Variants in PEBP4 observed in about 807,000 individuals in gnomAD.
The protein encoded by PEBP4 is phosphatidylethanolamine binding protein 4, also known as phosphatidylethanolamine-binding protein 4.
PEBP4 carries 22 observed loss-of-function variants against 23.9 expected under a neutral mutation model. That is an observed-to-expected ratio of 0.92 (90% CI 0.66 to 1.31). The LOEUF (loss-of-function observed/expected upper bound fraction) is 1.31, where lower values mean the gene tolerates loss of function less well. Ranked by LOEUF, PEBP4 falls within the 40% of genes most tolerant of loss-of-function variation. The pLI, the probability that PEBP4 is intolerant of heterozygous loss-of-function variation, is 0.00. For missense variants in PEBP4, 324 were observed against 281.7 expected (o/e 1.15, Z -1.07); for synonymous variants, 112 against 99.3 (o/e 1.13, Z -0.76).
chr8:22,888,195 C>T (rs563489713), intron 3 of PEBP4, among the ~76,000 whole-genome samples: 2 of 148,728 alleles, frequency 1.3e-5, no homozygotes. Flanking sequence ...GCTCTGTTGC[C>T]CAGGCTGGAG....
intron 1 of PEBP4, among the ~76,000 whole-genome samples, chr8:22,934,563 G>A (rs1482833070): frequency 6.6e-6 from 1 of 152,200 alleles, no homozygotes; most frequent in South Asian, 2.1e-4. Context: ...GCAGCCAGAT[G>A]CAGTGGCACA....
Position 22,728,622 on chromosome 8 carries a change from G to A in PEBP4, c.358-1402C>T, listed in dbSNP as rs867371466. Among the ~76,000 whole-genome samples, 23 of 106,758 alleles carry A rather than the reference G, an allele frequency of 2.2e-4. 1 individual carries two copies. Among genetic ancestry groups the A allele is most frequent in the Non-Finnish European group, 6.7e-5 (4 of 59,584 alleles). The allele number at this position is 106,758 out of a possible 152,430, so 70.0% of individuals were successfully genotyped here. On this transcript the variant is annotated intron_variant, in intron 4 of 6. Coordinates refer to ENST00000256404, the MANE Select transcript of PEBP4 (RefSeq NM_144962.3). ...TTCCTTCCTTCCTTCCCTTTTTTTG[G>A]AGTCTCGCTCTGTCATCCAGGCTGG...
intron 6 of PEBP4, among the ~76,000 whole-genome samples, chr8:22,723,466 C>T (rs903565192): frequency 2.6e-5 from 4 of 152,128 alleles, no homozygotes; most frequent in Non-Finnish European, 5.9e-5. Flanking sequence ...GAGACTCCCG[C>T]CCTGGGCATA....
intron 4 of PEBP4, among the ~76,000 whole-genome samples, chr8:22,746,312 T>G (rs1406314718): frequency 6.6e-6 from 1 of 152,152 alleles, no homozygotes; most frequent in African/African-American, 2.4e-5. Flanking sequence ...GGCTGATCAA[T>G]TTGGAAGCAG....
chr8:22,733,341 T>C (rs1804779224), intron 4 of PEBP4, among the ~76,000 whole-genome samples: 1 of 152,218 alleles, frequency 6.6e-6, no homozygotes, highest in South Asian at 2.1e-4. Flanking sequence ...CTCTATCCTT[T>C]GGGTGTCCCC....
At chr8:22,869,513 C>G (rs1457277325) in intron 3 of PEBP4, among the ~76,000 whole-genome samples, 2 of 152,032 alleles carry the variant, frequency 1.3e-5, no homozygotes, top group Non-Finnish European at 2.9e-5. Flanking sequence ...ATGGACTTTC[C>G]CCAGGAAGCC....
intron 4 of PEBP4, among the ~76,000 whole-genome samples, chr8:22,811,944 G>T (rs951815573): frequency 2.0e-5 from 3 of 152,228 alleles, no homozygotes; most frequent in Non-Finnish European, 4.4e-5. Context: ...GTTGGGGGCT[G>T]TAGGGGAGAT....
chr8:22,852,250 C>T (rs554809879), intron 3 of PEBP4, among the ~76,000 whole-genome samples: 24 of 152,280 alleles, frequency 1.6e-4, no homozygotes, highest in Admixed American at 1.3e-3. Flanking sequence ...CTCCTGCCCT[C>T]CACCTCCAAA....
chr8:22,868,688 T>C (rs1478675984), intron 3 of PEBP4, among the ~76,000 whole-genome samples: 2 of 152,114 alleles, frequency 1.3e-5, no homozygotes, highest in Non-Finnish European at 2.9e-5. Flanking sequence ...GTCAAAAATT[T>C]TTGCATCATC....
At chr8:22,734,105 G>C (rs1804799777) in intron 4 of PEBP4, among the ~76,000 whole-genome samples, 1 of 152,238 alleles carries the variant, frequency 6.6e-6, no homozygotes, top group African/African-American at 2.4e-5. Flanking sequence ...TCCAGGAAAA[G>C]GCACAGGACT....
At chr8:22,719,736 G>A (rs567725089) in intron 6 of PEBP4, among the ~76,000 whole-genome samples, 1 of 152,294 alleles carries the variant, frequency 6.6e-6, no homozygotes, top group Admixed American at 6.5e-5. Context: ...TTTGCCCTGG[G>A]GTAGGGGTGA....
At chr8:22,810,399 C>T (rs1172394430) in intron 4 of PEBP4, among the ~76,000 whole-genome samples, 2 of 152,164 alleles carry the variant, frequency 1.3e-5, no homozygotes, top group African/African-American at 2.4e-5. Context: ...TTCAAAGATG[C>T]TGCCCACCCT....
In PEBP4 at chr8:22,737,594, A is replaced by C. The variant is rs138666722; in HGVS notation, c.358-10374T>G. Among the ~76,000 whole-genome samples the C allele has an allele frequency of 5.0e-3, 754 of 151,926 alleles. 4 individuals are homozygous for C. The highest frequency in any genetic ancestry group is 0.018 in the African/African-American group (729 of 41,400). On this transcript the variant is annotated intron_variant, in intron 4 of 6. Transcript: ENST00000256404. Reference sequence around the variant, plus strand: ...CCTGCTTTGTGGTCTGATTTCTGGCAGCCACAAGAACAAGGGAAATGGAGC... The same window carrying C: ...CCTGCTTTGTGGTCTGATTTCTGGCCGCCACAAGAACAAGGGAAATGGAGC...
chr8:22,743,245 G>C (rs1028385121), intron 4 of PEBP4, among the ~76,000 whole-genome samples: 2 of 152,146 alleles, frequency 1.3e-5, no homozygotes, highest in African/African-American at 4.8e-5. Context: ...GAGAGTGGAG[G>C]CTACTGACCT....
chr8:22,716,851 C>T (rs568841843), intron 6 of PEBP4, among the ~76,000 whole-genome samples: 119 of 152,352 alleles, frequency 7.8e-4, no homozygotes, highest in African/African-American at 2.8e-3. Context: ...ACACTGGCAG[C>T]CATCACCCTG....
At chr8:22,785,514 G>C (rs919395225) in intron 4 of PEBP4, among the ~76,000 whole-genome samples, 109 of 152,150 alleles carry the variant, frequency 7.2e-4, no homozygotes, top group African/African-American at 2.6e-3. Context: ...GGTCTGGCTT[G>C]GGACAGATCC....
chr8:22,927,791 G>A (rs769403186), intron 1 of PEBP4, 32 bp downstream of exon 1: 31 of 1,581,976 alleles, frequency 2.0e-5, no homozygotes, highest in Admixed American at 1.5e-4. Flanking sequence ...CTGTGCCCCC[G>A]ACCCCAGGGG....
intron 4 of PEBP4, among the ~76,000 whole-genome samples, chr8:22,793,433 A>ATTTTTT (rs11315221): frequency 1.2e-4 from 14 of 120,342 alleles, no homozygotes; most frequent in Non-Finnish European, 1.2e-4. Context: ...CGCCCAGCTC[A>ATTTTTT]TTTTTTTTTT....
chr8:22,921,367 C>A (rs1039254793), intron 2 of PEBP4, among the ~76,000 whole-genome samples: 4 of 152,194 alleles, frequency 2.6e-5, no homozygotes, highest in African/African-American at 9.6e-5. Context: ...CCACAGCGGT[C>A]CACAGTGCCT....
Sources: allele counts gnomAD v4.1 joint callset (sites outside exome capture counted in the v4.1 genomes callset), GRCh38; gene constraint gnomAD v4.1.1; transcripts MANE v1.5; gene names NCBI Gene and HGNC (gene_info 2026-07-23, HGNC 2026-07-21).